Variants in TASP1 observed in about 807,000 individuals in gnomAD.
TASP1 encodes threonine aspartase 1.
Under a neutral mutation model 56.6 loss-of-function variants are expected in TASP1, and 16 were observed. That is an observed-to-expected ratio of 0.28 (90% CI 0.19 to 0.43). The LOEUF is 0.43. Ranked by LOEUF, TASP1 falls within the 20% of genes least tolerant of loss-of-function variation. The pLI is 1.00. For synonymous variants in TASP1, 179 were observed against 184.2 expected (o/e 0.97, Z 0.23); for missense variants, 393 against 511.6 (o/e 0.77, Z 2.24).
the TASP1 span, among the ~76,000 whole-genome samples, chr20:13,151,935 C>T: frequency 1.3e-4 from 20 of 152,204 alleles, no homozygotes; most frequent in South Asian, 6.2e-4. Context: ...CCGCTCACAA[C>T]ATGAGGCTGT....
chr20:13,254,288 A>G, the TASP1 span, among the ~76,000 whole-genome samples: 1 of 151,920 alleles, frequency 6.6e-6, no homozygotes, highest in East Asian at 1.9e-4. Context: ...GCAAATATAT[A>G]TTTATATTTA....
At chr20:13,274,079 A>G in the TASP1 span, among the ~76,000 whole-genome samples, 189 of 85,554 alleles carry the variant, frequency 2.2e-3, 4 homozygotes, top group East Asian at 0.04. Flanking sequence ...GTGTGTGTGT[A>G]TGTGTGCATG....
the TASP1 span, among the ~76,000 whole-genome samples, chr20:13,328,482 T>G: frequency 6.6e-6 from 1 of 152,152 alleles, no homozygotes; most frequent in Non-Finnish European, 1.5e-5. Flanking sequence ...ATATAAATCA[T>G]TTTATTATGA....
At chr20:13,387,975 C>A (rs2041176930), downstream of TASP1, among the ~76,000 whole-genome samples, 1 of 152,196 alleles carries the variant, frequency 6.6e-6, no homozygotes, top group Admixed American at 6.5e-5. Flanking sequence ...CCTCACCAAG[C>A]CCTGAAGATG....
At chr20:13,302,726 T>C in the TASP1 span, among the ~76,000 whole-genome samples, 3 of 152,192 alleles carry the variant, frequency 2.0e-5, no homozygotes, top group Admixed American at 6.5e-5. Flanking sequence ...CACTGCTCTT[T>C]TGCCTTCCCC....
intron 13 of TASP1, among the ~76,000 whole-genome samples, chr20:13,400,571 C>T (rs767578515): frequency 6.6e-6 from 1 of 152,124 alleles, no homozygotes; most frequent in Non-Finnish European, 1.5e-5. Context: ...TAATATAACC[C>T]TCATCCTAAA....
At chr20:13,519,837 T>C (rs1036235238) in intron 10 of TASP1, among the ~76,000 whole-genome samples, 1 of 152,228 alleles carries the variant, frequency 6.6e-6, no homozygotes, top group African/African-American at 2.4e-5. Context: ...AAATTGTCCC[T>C]GTTTGCAGAT....
intron 8 of TASP1, among the ~76,000 whole-genome samples, chr20:13,544,217 C>A (rs934916440): frequency 6.6e-6 from 1 of 152,180 alleles, no homozygotes; most frequent in African/African-American, 2.4e-5. Context: ...TTCAGTGTTT[C>A]CTTTTTGAAA....
chr20:13,590,310 C>G (rs1333771956), intron 4 of TASP1, among the ~76,000 whole-genome samples: 1 of 152,162 alleles, frequency 6.6e-6, no homozygotes, highest in Admixed American at 6.5e-5. Flanking sequence ...CAAAATACTA[C>G]TTCAAACCCA....
intron 11 of TASP1, among the ~76,000 whole-genome samples, chr20:13,479,154 G>A (rs537290114): frequency 6.6e-6 from 1 of 152,118 alleles, no homozygotes; most frequent in South Asian, 2.1e-4. Flanking sequence ...GTTCTTTCTG[G>A]CAGGAGAAAT....
intron 10 of TASP1, among the ~76,000 whole-genome samples, chr20:13,526,893 G>A (rs1213119682): frequency 2.0e-5 from 3 of 152,130 alleles, no homozygotes; most frequent in Non-Finnish European, 4.4e-5. Flanking sequence ...AGAATGAAAT[G>A]TTCTGTTGAA....
chr20:13,501,801 C>T (rs1601022376), intron 10 of TASP1, among the ~76,000 whole-genome samples: 1 of 151,826 alleles, frequency 6.6e-6, no homozygotes, highest in South Asian at 2.1e-4. Context: ...ACTATACAGA[C>T]AAAATAGGCT....
intron 8 of TASP1, among the ~76,000 whole-genome samples, chr20:13,550,007 A>G (rs888508368): frequency 6.6e-6 from 1 of 152,100 alleles, no homozygotes; most frequent in African/African-American, 2.4e-5. Flanking sequence ...CATCTTACTT[A>G]TAACTTTAAG....
the TASP1 span, among the ~76,000 whole-genome samples, chr20:13,308,751 A>C: frequency 2.6e-5 from 4 of 152,154 alleles, no homozygotes; most frequent in Non-Finnish European, 5.9e-5. Flanking sequence ...CCAAAATTTA[A>C]ATGTTGAAAT....
chr20:13,432,615 C>T (rs763021243), intron 12 of TASP1, among the ~76,000 whole-genome samples: 2 of 152,158 alleles, frequency 1.3e-5, no homozygotes, highest in Non-Finnish European at 2.9e-5. Context: ...TAAGCATCAA[C>T]GCCTCCAGTT....
At chr20:13,451,526 T>C (rs1229888836) in intron 11 of TASP1, among the ~76,000 whole-genome samples, 2 of 152,084 alleles carry the variant, frequency 1.3e-5, no homozygotes, top group Non-Finnish European at 1.5e-5. Context: ...CATTTTTATA[T>C]TATGGAGGCA....
chr20:13,110,086 A>ATT, the TASP1 span: 61 of 1,183,848 alleles, frequency 5.2e-5, no homozygotes, highest in African/African-American at 2.4e-4. Context: ...TCATGACTCA[A>ATT]TTTTTTTTTT....
intron 10 of TASP1, among the ~76,000 whole-genome samples, chr20:13,496,059 T>C (rs897082310): frequency 2.0e-4 from 31 of 152,266 alleles, no homozygotes; most frequent in African/African-American, 7.2e-4. Context: ...TTTTGATTTT[T>C]TTTTTCTTCC....
chr20:13,353,692 T>C, the TASP1 span, among the ~76,000 whole-genome samples: 1 of 152,134 alleles, frequency 6.6e-6, no homozygotes, highest in East Asian at 1.9e-4. Flanking sequence ...GGAAGACTGT[T>C]TGTTGGGTAA....
Sources: gnomAD v4.1 joint callset for allele counts (sites outside exome capture counted in the v4.1 genomes callset) on GRCh38, gnomAD v4.1.1 for gene constraint, MANE v1.5 for transcripts, NCBI Gene and HGNC (gene_info 2026-07-23, HGNC 2026-07-21) for gene names.